NUDT21: variants seen among roughly 807,000 people sequenced by gnomAD.
NUDT21 encodes cleavage and polyadenylation specificity factor subunit 5.
NUDT21 carries 5 observed loss-of-function variants against 29.8 expected under a neutral mutation model. The observed-to-expected ratio is 0.17, with a 90% CI of 0.09 to 0.35. The LOEUF (loss-of-function observed/expected upper bound fraction) is 0.35. Ranked by LOEUF, NUDT21 falls within the 10% of genes least tolerant of loss-of-function variation. NUDT21 has a pLI of 1.00. For missense variants in NUDT21, 76 were observed against 276.0 expected, an observed-to-expected ratio of 0.28 and a Z score of 5.13; for synonymous variants, 113 against 98.5, an observed-to-expected ratio of 1.15 and a Z score of -0.87.
chr16:56,445,276 C>T (rs1308294579), intron 3 of NUDT21, among the ~76,000 whole-genome samples: 4 of 151,860 alleles, frequency 2.6e-5, no homozygotes, highest in Admixed American at 6.6e-5. Flanking sequence ...ATTCCAAAAC[C>T]TGAAAAAAAT....
intron 3 of NUDT21, among the ~76,000 whole-genome samples, chr16:56,445,304 T>A (rs1467794304): frequency 2.0e-5 from 3 of 152,234 alleles, no homozygotes; most frequent in Non-Finnish European, 4.4e-5. Context: ...CCTAACCACT[T>A]TTTTAATTTT....
chr16:56,449,522 T>C (rs1488673468), intron 1 of NUDT21, among the ~76,000 whole-genome samples: 1 of 152,224 alleles, frequency 6.6e-6, no homozygotes, highest in East Asian at 1.9e-4. Context: ...TTCTGAATAT[T>C]TGTATTTACA....
chr16:56,429,954 C>T lies in NUDT21; in HGVS notation c.*2758G>A, dbSNP rs1388941309. ...ACATTTAAGAAAGGGAATTTTAAGC[C>T]GATTGCTTGCTGGCCTGTTGAATTT... On this transcript the variant is annotated 3_prime_UTR_variant, in exon 7 of 7. Transcript: ENST00000300291. The T allele has an allele frequency of 6.6e-6, 1 of 152,078 alleles. No homozygotes were observed. The highest frequency in any genetic ancestry group is 1.9e-4 in the East Asian group (1 of 5,198). The allele number at this position is 152,078 out of a possible 1,614,324, so 9.4% of individuals were successfully genotyped here. A position where few individuals can be genotyped will look rare whatever the true frequency, so the allele number is the denominator to read the frequency against.
intron 3 of NUDT21, among the ~76,000 whole-genome samples, chr16:56,441,478 C>G (rs1962158578): frequency 6.6e-6 from 1 of 152,142 alleles, no homozygotes; most frequent in South Asian, 2.1e-4. Context: ...TGTGATCCAC[C>G]TGCCTCGGCC....
intron 4 of NUDT21, among the ~76,000 whole-genome samples, chr16:56,436,334 T>C (rs557147044): frequency 6.6e-6 from 1 of 152,202 alleles, no homozygotes; most frequent in African/African-American, 2.4e-5. Flanking sequence ...GCTAAGTATC[T>C]TTCCCAAGAT....
chr16:56,434,562 T>G (rs564169809), intron 5 of NUDT21, 117 bp from the exon 6 acceptor site: 1 of 790,502 alleles, frequency 1.3e-6, no homozygotes, highest in Admixed American at 2.6e-5. Flanking sequence ...TAATTCTCAT[T>G]AATACATTTT....
intron 3 of NUDT21, among the ~76,000 whole-genome samples, chr16:56,443,577 T>C (rs1285601864): frequency 1.3e-5 from 2 of 152,314 alleles, no homozygotes; most frequent in African/African-American, 4.8e-5. Context: ...TGTGACAGTG[T>C]TGGCAGGCAG....
chr16:56,448,181 C>T (rs1272635003), intron 1 of NUDT21, among the ~76,000 whole-genome samples, 192 bp from the exon 2 acceptor site: 1 of 152,208 alleles, frequency 6.6e-6, no homozygotes, highest in Non-Finnish European at 1.5e-5. Flanking sequence ...AAAGCCAGAG[C>T]TTCCATTAGA....
At chr16:56,441,567 C>T (rs551957295) in intron 3 of NUDT21, among the ~76,000 whole-genome samples, 128 of 152,286 alleles carry the variant, frequency 8.4e-4, no homozygotes, top group Non-Finnish European at 1.5e-3. Flanking sequence ...TTTTTAAAAG[C>T]CTATAACCCT....
At position 56,429,460 on chromosome 16, in the gene NUDT21, CCTAAT is replaced by C. The variant is rs1359847200; in HGVS notation, c.*3247_*3251del. On this transcript the variant is annotated 3_prime_UTR_variant, in exon 7 of 7. Transcript: ENST00000300291. ...AAGATACAAAATACACCTGAACTGG[CCTAAT>C]CTAGAGTTACCTAGGTTTTAGTAAG... 1 of 152,150 alleles carries C rather than the reference CCTAAT, an allele frequency of 6.6e-6. No individual in the cohort carries two copies. The highest frequency in any genetic ancestry group is 6.5e-5 in the Admixed American group (1 of 15,270). The allele number at this position is 152,150 out of a possible 1,614,324, so 9.4% of individuals were successfully genotyped here. A position where few individuals can be genotyped will look rare whatever the true frequency, so the allele number is the denominator to read the frequency against.
chr16:56,449,657 C>G (rs892901876), intron 1 of NUDT21, among the ~76,000 whole-genome samples: 2 of 152,102 alleles, frequency 1.3e-5, no homozygotes, highest in Admixed American at 1.3e-4. Context: ...ATTCAGTAAT[C>G]AAGACAAAAC....
chr16:56,448,288 T>C (rs1484132257), intron 1 of NUDT21, among the ~76,000 whole-genome samples: 1 of 152,226 alleles, frequency 6.6e-6, no homozygotes, highest in Non-Finnish European at 1.5e-5. Flanking sequence ...ATCCTCTGGT[T>C]TTATACCATG....
At chr16:56,443,279 T>G (rs542095442) in intron 3 of NUDT21, among the ~76,000 whole-genome samples, 6 of 152,012 alleles carry the variant, frequency 3.9e-5, no homozygotes, top group African/African-American at 1.4e-4. Flanking sequence ...TGGGTTCAAC[T>G]GATTCTCCTG....
chr16:56,433,728 C>A (rs1340428583), intron 6 of NUDT21, among the ~76,000 whole-genome samples: 1 of 152,126 alleles, frequency 6.6e-6, no homozygotes, highest in Non-Finnish European at 1.5e-5. Flanking sequence ...CACTCTGTCG[C>A]CCAGGCTGGA....
At chr16:56,444,624 A>G (rs113972583) in intron 3 of NUDT21, among the ~76,000 whole-genome samples, 12 of 151,662 alleles carry the variant, frequency 7.9e-5, no homozygotes, top group African/African-American at 2.9e-4. Flanking sequence ...CAAAAACAAA[A>G]AAAAAAAAAA....
chr16:56,431,701 C>T lies in NUDT21; in HGVS notation c.*1011G>A, dbSNP rs1962035865. ...TTTGCTCTAATATTTTTTATTCCCC[C>T]AAATTTGATCCGAATTTATCAGTAT... On this transcript the variant is annotated 3_prime_UTR_variant, in exon 7 of 7. Transcript: ENST00000300291. The T allele has an allele frequency of 6.6e-6, 1 of 152,174 alleles. No individual in the cohort carries two copies. The highest frequency in any genetic ancestry group is 2.4e-5 in the African/African-American group (1 of 41,450). The allele number at this position is 152,174 out of a possible 1,614,324, so 9.4% of individuals were successfully genotyped here.
chr16:56,449,446 G>A (rs1411479557), intron 1 of NUDT21, among the ~76,000 whole-genome samples: 2 of 152,204 alleles, frequency 1.3e-5, no homozygotes, highest in African/African-American at 2.4e-5. Flanking sequence ...TATACTGGGG[G>A]AGAGGGCATT....
At chr16:56,432,773 A>C in intron 6 of NUDT21, 40 bp from the exon 7 acceptor site, 1 of 1,397,382 alleles carries the variant, frequency 7.2e-7, no homozygotes, top group East Asian at 2.3e-5. Flanking sequence ...TAAAGACAGT[A>C]CATACTACTT....
chr16:56,441,397 C>G (rs1399645657), intron 3 of NUDT21, among the ~76,000 whole-genome samples: 1 of 151,970 alleles, frequency 6.6e-6, no homozygotes, highest in Non-Finnish European at 1.5e-5. Flanking sequence ...CCACCACACC[C>G]AGCTTTTTTG....
Sources: gnomAD v4.1 joint callset for allele counts (sites outside exome capture counted in the v4.1 genomes callset) on GRCh38, gnomAD v4.1.1 for gene constraint, MANE v1.5 for transcripts, NCBI Gene and HGNC (gene_info 2026-07-23, HGNC 2026-07-21) for gene names.